MSRA: variants seen among roughly 807,000 people sequenced by gnomAD.
MSRA encodes the protein methionine sulfoxide reductase A.
Under a neutral mutation model 31.3 loss-of-function variants are expected in MSRA, and 54 were observed. The observed-to-expected ratio is 1.73, with a 90% CI of 1.39 to 2.17. The LOEUF (loss-of-function observed/expected upper bound fraction) is 2.17. Among genes scored for constraint, MSRA ranks in the 30% most tolerant of loss-of-function variants. MSRA has a pLI of 0.00. For synonymous variants in MSRA, 169 were observed against 116.5 expected, an observed-to-expected ratio of 1.45 and a Z score of -2.90; for missense variants, 507 against 300.9, an observed-to-expected ratio of 1.69 and a Z score of -5.07.
At chr8:10,132,986 C>T (rs978000447) in intron 1 of MSRA, among the ~76,000 whole-genome samples, 6 of 152,292 alleles carry the variant, frequency 3.9e-5, no homozygotes, top group Admixed American at 3.3e-4. Flanking sequence ...TTGTAATAAG[C>T]ACCATATGGG....
At chr8:10,134,421 T>C (rs553977419) in intron 1 of MSRA, among the ~76,000 whole-genome samples, 28 of 152,316 alleles carry the variant, frequency 1.8e-4, no homozygotes, top group Middle Eastern at 3.4e-3. Flanking sequence ...CCTGCCCCAT[T>C]AGCTGCTTCG....
rs548134088 is a variant in MSRA at position 10,273,637 on chromosome 8, T to G, written c.332-27897T>G. Among the ~76,000 whole-genome samples the G allele has an allele frequency of 1.2e-3, 187 of 152,306 alleles. 1 individual carries two copies. Among genetic ancestry groups the G allele is most frequent in the African/African-American group, 4.2e-3 (176 of 41,560 alleles). ...CTTATGCAACCTCCCACCATCTCAC[T>G]TCTTCTCATTCTTTCTCTATAATTG... On this transcript the variant is annotated intron_variant, in intron 3 of 5. Transcript: ENST00000317173.
chr8:10,076,062 G>C (rs1317122110), intron 1 of MSRA, among the ~76,000 whole-genome samples: 2 of 150,450 alleles, frequency 1.3e-5, no homozygotes, highest in Non-Finnish European at 3.0e-5. Flanking sequence ...CGTCTGGACT[G>C]CGAGTCAGAG....
intron 5 of MSRA, among the ~76,000 whole-genome samples, chr8:10,425,974 A>C (rs1809133687): frequency 6.6e-6 from 1 of 152,134 alleles, no homozygotes; most frequent in African/African-American, 2.4e-5. Context: ...TGCTGCCTGG[A>C]GCAGATGGCA....
At chr8:10,111,216 A>C (rs2220149) in intron 1 of MSRA, among the ~76,000 whole-genome samples, 140,317 of 152,062 alleles carry the variant, frequency 0.92, 64,765 homozygotes, top group East Asian at 0.96. Context: ...TGATGGCAGT[A>C]CATGAATGTA....
chr8:10,378,516 G>A lies in MSRA; in HGVS notation c.544-49632G>A, dbSNP rs79617567. On this transcript the variant is annotated intron_variant, in intron 5 of 5. Coordinates refer to ENST00000317173, the MANE Select transcript of MSRA (RefSeq NM_012331.5). ...ACCTTGCTGAGTTGGTGACTTTGAC[G>A]GTGAACAGGCTGGGTGAGACTGGGC... Among the ~76,000 whole-genome samples the A allele has an allele frequency of 1.3e-4, 20 of 152,304 alleles. No individual in the cohort carries two copies. In the East Asian group the frequency reaches 3.5e-3, roughly 27 times the overall value.
intron 5 of MSRA, among the ~76,000 whole-genome samples, chr8:10,366,706 G>T (rs946085244): frequency 6.6e-6 from 1 of 152,182 alleles, no homozygotes; most frequent in Non-Finnish European, 1.5e-5. Flanking sequence ...GGGGACGTCT[G>T]TCCATCCTGC....
chr8:10,204,851 A>G (rs920191481), intron 1 of MSRA, among the ~76,000 whole-genome samples: 2 of 152,182 alleles, frequency 1.3e-5, no homozygotes, highest in African/African-American at 4.8e-5. Context: ...ACGCTGAGAG[A>G]GGATTATGGA....
rs889554524 is a variant in MSRA, at chr8:10,332,311, T to C, written c.543+12322T>C. On this transcript the variant is annotated intron_variant, in intron 5 of 5. Transcript: ENST00000317173. ...TGGGTAAATGTCAGTTGATATGTTATGGTTTGGGGATTACATAGCTCTTCG... is the reference window on the plus strand; with the variant it reads ...TGGGTAAATGTCAGTTGATATGTTACGGTTTGGGGATTACATAGCTCTTCG... Among the ~76,000 whole-genome samples the C allele has an allele frequency of 2.6e-5, 4 of 152,346 alleles. No individual in the cohort carries two copies. In the East Asian group the frequency reaches 7.7e-4, roughly 29 times the overall value.
chr8:10,206,270 G>T (rs548524802), intron 1 of MSRA, among the ~76,000 whole-genome samples: 2 of 152,268 alleles, frequency 1.3e-5, no homozygotes, highest in South Asian at 4.2e-4. Context: ...GCTTGACAGG[G>T]TCCTTCCATC....
chr8:10,358,999 T>C (rs537715347), intron 5 of MSRA, among the ~76,000 whole-genome samples: 21 of 152,292 alleles, frequency 1.4e-4, no homozygotes, highest in Admixed American at 4.6e-4. Context: ...TGAAACAGTT[T>C]GATCCCAAAA....
At chr8:10,115,326 G>A (rs1025715994) in intron 1 of MSRA, among the ~76,000 whole-genome samples, 94 of 152,220 alleles carry the variant, frequency 6.2e-4, no homozygotes, top group Non-Finnish European at 6.2e-4. Context: ...GCCTCACAGC[G>A]AAGAGGCCAT....
intron 1 of MSRA, among the ~76,000 whole-genome samples, chr8:10,060,557 C>T (rs997806290): frequency 6.6e-6 from 1 of 151,556 alleles, no homozygotes; most frequent in Non-Finnish European, 1.5e-5. Context: ...AATTACATAA[C>T]TCCACTTTGA....
chr8:10,293,507 C>CT (rs1371024886), intron 3 of MSRA, among the ~76,000 whole-genome samples: 1 of 152,220 alleles, frequency 6.6e-6, no homozygotes, highest in African/African-American at 2.4e-5. Flanking sequence ...CTCTGAGCAT[C>CT]TTAGCCTGGG....
At chr8:10,076,289 G>C (rs1168415667) in intron 1 of MSRA, among the ~76,000 whole-genome samples, 1 of 152,192 alleles carries the variant, frequency 6.6e-6, no homozygotes, top group African/African-American at 2.4e-5. Flanking sequence ...TCATACTGTT[G>C]CCCTGTTTTG....
chr8:10,423,074 T>C (rs572316020), intron 5 of MSRA, among the ~76,000 whole-genome samples: 1 of 152,128 alleles, frequency 6.6e-6, no homozygotes, highest in South Asian at 2.1e-4. Context: ...AAAGATTCAG[T>C]AGGTGATGTG....
intron 3 of MSRA, among the ~76,000 whole-genome samples, chr8:10,260,698 G>T (rs74903973): frequency 1.3e-5 from 2 of 152,118 alleles, no homozygotes; most frequent in African/African-American, 4.8e-5. Flanking sequence ...GCATTGGTGG[G>T]GGGGAATAAA....
At chr8:10,326,069 A>C (rs1802346575) in intron 5 of MSRA, among the ~76,000 whole-genome samples, 1 of 152,196 alleles carries the variant, frequency 6.6e-6, no homozygotes. Flanking sequence ...TGGCCCCATC[A>C]CTACATTCGG....
chr8:10,175,305 G>A (rs1035074049), intron 1 of MSRA, among the ~76,000 whole-genome samples: 2 of 152,130 alleles, frequency 1.3e-5, no homozygotes, highest in African/African-American at 2.4e-5. Flanking sequence ...GCATGTAACC[G>A]TATATGCTCA....
Sources: gnomAD v4.1 joint callset for allele counts (sites outside exome capture counted in the v4.1 genomes callset) on GRCh38, gnomAD v4.1.1 for gene constraint, MANE v1.5 for transcripts, NCBI Gene and HGNC (gene_info 2026-07-23, HGNC 2026-07-21) for gene names.